The following WWC2 variants were observed in gnomAD, a reference collection of about 807,000 sequenced individuals.
WWC2 encodes the protein protein WWC2.
WWC2 carries 101 observed loss-of-function variants against 138.5 expected under a neutral mutation model. The observed-to-expected ratio is 0.73, with a 90% CI of 0.62 to 0.86. The LOEUF (loss-of-function observed/expected upper bound fraction) is 0.86. Among genes scored for constraint, WWC2 ranks in the 40% least tolerant of loss-of-function variants. The pLI, the probability that WWC2 is intolerant of heterozygous loss-of-function variation, is 0.00. For synonymous variants in WWC2, 558 were observed against 538.4 expected, an observed-to-expected ratio of 1.04 and a Z score of -0.50; for missense variants, 1,420 against 1,419.4, an observed-to-expected ratio of 1.00 and a Z score of -0.01.
chr4:183,155,347 A>G (rs1733776118), intron 1 of WWC2, among the ~76,000 whole-genome samples: 1 of 152,092 alleles, frequency 6.6e-6, no homozygotes, highest in African/African-American at 2.4e-5. Context: ...CAGAAGGGAG[A>G]TGAGAGAAGT....
intron 17 of WWC2, 72 bp downstream of exon 17, chr4:183,280,969 T>C (rs1373056495): frequency 6.7e-6 from 10 of 1,482,914 alleles, no homozygotes; most frequent in Non-Finnish European, 7.2e-6. Flanking sequence ...GTGAAACCTT[T>C]GTAGGCTCAT....
intron 2 of WWC2, among the ~76,000 whole-genome samples, chr4:183,199,253 C>T (rs1421101809): frequency 6.6e-6 from 1 of 152,156 alleles, no homozygotes; most frequent in South Asian, 2.1e-4. Context: ...GGGGTTTTGA[C>T]TGGGGCAGGG....
chr4:183,309,543 T>C (rs1739143119), intron 21 of WWC2, among the ~76,000 whole-genome samples: 1 of 152,236 alleles, frequency 6.6e-6, no homozygotes, highest in African/African-American at 2.4e-5. Flanking sequence ...ACACACCTGT[T>C]AGAGCGGCCA....
chr4:183,126,185 A>C (rs184306566), intron 1 of WWC2, among the ~76,000 whole-genome samples: 8 of 152,326 alleles, frequency 5.3e-5, no homozygotes, highest in Admixed American at 1.3e-4. Flanking sequence ...CTAGGAAACC[A>C]CTGCCTTGTT....
chr4:183,187,268 T>G (rs1458329457), intron 1 of WWC2, among the ~76,000 whole-genome samples: 1 of 152,006 alleles, frequency 6.6e-6, no homozygotes, highest in East Asian at 1.9e-4. Context: ...AAAACGGGAA[T>G]AGGGGCTGGG....
chr4:183,177,087 G>A (rs1266939143), intron 1 of WWC2, among the ~76,000 whole-genome samples: 1 of 152,194 alleles, frequency 6.6e-6, no homozygotes, highest in African/African-American at 2.4e-5. Flanking sequence ...AGGTAGGAAG[G>A]AGGACTAGAG....
rs1236823439 is a variant in WWC2, at chr4:183,193,453, A to G, written c.132-146A>G. On this transcript the variant is annotated intron_variant, in intron 1 of 22. Transcript: ENST00000403733. ...ATTACGACTTGTCCTACTTTTTTGGATATATACATCTGTATTTTATCCTTG... is the reference window on the plus strand; with the variant it reads ...ATTACGACTTGTCCTACTTTTTTGGGTATATACATCTGTATTTTATCCTTG... 1.5e-5 allele frequency: 10 copies of G among 657,168 alleles called. 1 individual carries two copies. In the Admixed American group the frequency reaches 2.3e-4, roughly 15 times the overall value. The allele number at this position is 657,168 out of a possible 1,614,324, so 40.7% of individuals were successfully genotyped here. A position where few individuals can be genotyped will look rare whatever the true frequency, so the allele number is the denominator to read the frequency against.
intron 1 of WWC2, among the ~76,000 whole-genome samples, chr4:183,153,896 A>G (rs1733717550): frequency 6.7e-6 from 1 of 149,008 alleles, no homozygotes; most frequent in Non-Finnish European, 1.5e-5. Flanking sequence ...CACCCACCTC[A>G]TCCTCCCAAA....
intron 1 of WWC2, among the ~76,000 whole-genome samples, chr4:183,193,097 T>C (rs181759817): frequency 2.6e-5 from 4 of 152,212 alleles, no homozygotes; most frequent in Admixed American, 2.6e-4. Context: ...AAGATACTTA[T>C]AAAAAAAATT....
chr4:183,251,628 C>T (rs1364836944), intron 8 of WWC2, among the ~76,000 whole-genome samples: 1 of 152,166 alleles, frequency 6.6e-6, no homozygotes, highest in Non-Finnish European at 1.5e-5. Flanking sequence ...TAAACGGGCG[C>T]CTCTTTTTCC....
chr4:183,190,734 T>A (rs1340269864), intron 1 of WWC2, among the ~76,000 whole-genome samples: 2 of 152,190 alleles, frequency 1.3e-5, no homozygotes, highest in Non-Finnish European at 2.9e-5. Flanking sequence ...TAGATGTAAT[T>A]GTAGTCTTAG....
intron 21 of WWC2, among the ~76,000 whole-genome samples, chr4:183,309,303 C>T (rs779017276): frequency 1.4e-4 from 21 of 152,134 alleles, no homozygotes; most frequent in Admixed American, 1.3e-4. Context: ...AGGAAACAAG[C>T]CACACGTTGG....
chr4:183,269,494 T>C, intron 15 of WWC2: 1 of 507,284 alleles, frequency 2.0e-6, no homozygotes. Context: ...AAGCTTTGCG[T>C]GACTGCTGTG....
chr4:183,179,979 C>T (rs1256955972), intron 1 of WWC2, among the ~76,000 whole-genome samples: 3 of 152,126 alleles, frequency 2.0e-5, no homozygotes, highest in African/African-American at 7.2e-5. Flanking sequence ...ACTTCCAGAG[C>T]TTAACAATGT....
intron 1 of WWC2, among the ~76,000 whole-genome samples, chr4:183,109,004 G>A (rs1732137148): frequency 6.6e-6 from 1 of 152,144 alleles, no homozygotes; most frequent in African/African-American, 2.4e-5. Context: ...CACTAATTTT[G>A]TGGTTTTTTT....
In WWC2 at chr4:183,099,610, A is replaced by G; in HGVS notation, c.119A>G (p.Asp40Gly). The change falls in exon 1 of 23, where the codon GAC (aspartate) becomes GGC (glycine). Residue 40 changes from aspartate (D) to glycine (G), a missense_variant. Physicochemically the swap from Asp to Gly is moderately conservative, Grantham distance 94 (BLOSUM62 -1). Coordinates refer to ENST00000403733, the MANE Select transcript of WWC2 (RefSeq NM_024949.6). ...DHNTRRTSWI[D>G]PRDRLTKPLS... ...AACACCAGGAGGACCAGCTGGATCG[A>G]CCCCCGGGACAGGTGGGCGCCGGCC... The G allele has an allele frequency of 2.2e-6, 3 of 1,359,016 alleles. No homozygotes were observed. Among genetic ancestry groups the G allele is most frequent in the South Asian group, 1.7e-5 (1 of 58,346 alleles). The allele number at this position is 1,359,016 out of a possible 1,614,324, so 84.2% of individuals were successfully genotyped here.
rs1369561193 is a variant in WWC2 at position 183,265,237 on chromosome 4, A to G, written c.2039+130A>G. The stretch of plus-strand genomic sequence containing the variant: ...TAGTAAGGACTTTAGCCGTTAAAGA[A>G]GTGGTGTGCCTGAAAAGTTCAGTAT... On this transcript the variant is annotated intron_variant, in intron 12 of 22. Coordinates refer to ENST00000403733, the MANE Select transcript of WWC2 (RefSeq NM_024949.6). 2.9e-5 allele frequency: 38 copies of G among 1,292,778 alleles called. No individual in the cohort carries two copies. In the East Asian group the frequency reaches 9.7e-4, roughly 33 times the overall value. The allele number at this position is 1,292,778 out of a possible 1,614,324, so 80.1% of individuals were successfully genotyped here.
intron 4 of WWC2, among the ~76,000 whole-genome samples, chr4:183,237,359 A>G (rs1228324641): frequency 6.6e-6 from 1 of 152,124 alleles, no homozygotes; most frequent in Non-Finnish European, 1.5e-5. Flanking sequence ...GCACTTGAAA[A>G]TGCTGTTCTA....
chr4:183,145,006 T>C (rs1339474582), intron 1 of WWC2, among the ~76,000 whole-genome samples: 1 of 152,258 alleles, frequency 6.6e-6, no homozygotes, highest in Non-Finnish European at 1.5e-5. Context: ...GGCGAGATGC[T>C]GTGCTCATAG....
Sources: allele counts gnomAD v4.1 joint callset (sites outside exome capture counted in the v4.1 genomes callset), GRCh38; gene constraint gnomAD v4.1.1; transcripts MANE v1.5; gene names NCBI Gene and HGNC (gene_info 2026-07-23, HGNC 2026-07-21).